The following PPP2R2C variants were observed in gnomAD, a reference collection of about 807,000 sequenced individuals.
PPP2R2C encodes protein phosphatase 2, regulatory subunit B, gamma.
A neutral mutation model predicts 45.3 loss-of-function variants in PPP2R2C; 10 were observed. That is an observed-to-expected ratio of 0.22 (90% CI 0.14 to 0.37). The LOEUF is 0.37. Ranked by LOEUF, PPP2R2C falls within the 10% of genes least tolerant of loss-of-function variation. The pLI is 1.00. For synonymous variants in PPP2R2C, 257 were observed against 245.4 expected (o/e 1.05, Z -0.44); for missense variants, 308 against 619.7 (o/e 0.50, Z 5.34).
At chr4:6,493,834 C>A (rs182536862) in intron 2 of PPP2R2C, among the ~76,000 whole-genome samples, 1 of 152,212 alleles carries the variant, frequency 6.6e-6, no homozygotes, top group South Asian at 2.1e-4. Context: ...ACTCTTTAGT[C>A]GGGAGCCGTA....
rs559944365 is a variant in PPP2R2C at position 6,345,945 on chromosome 4, C to T, written c.790+1901G>A. Reference sequence around the variant, plus strand: ...CGACCCATTTCCTTGGAACCCAATACGGGCCTCAGGCTCGCGGGTCTGAAA... The same window carrying T: ...CGACCCATTTCCTTGGAACCCAATATGGGCCTCAGGCTCGCGGGTCTGAAA... On this transcript the variant is annotated intron_variant, in intron 6 of 8. Coordinates refer to ENST00000382599, the MANE Select transcript of PPP2R2C (RefSeq NM_020416.4). The surrounding 1 kb of genome is among the most constrained non-coding windows in gnomAD (Gnocchi z 5.3). Among the ~76,000 whole-genome samples, 26 of 152,286 alleles carry T rather than the reference C, an allele frequency of 1.7e-4. 1 individual carries two copies. The highest frequency in any genetic ancestry group is 3.4e-3 in the Middle Eastern group (1 of 294).
rs902610078 is a variant in PPP2R2C at position 6,378,763 on chromosome 4, G to A, written c.169-191C>T. Among the ~76,000 whole-genome samples, 13 of 152,070 alleles carry A rather than the reference G, an allele frequency of 8.5e-5. No homozygotes were observed. In the South Asian group the frequency reaches 1.7e-3, roughly 19 times the overall value. ...TTGCAGTGTGCCAGGGACAAGCCCCGCTCCCGTGCGGTCCCATGAAACACT... is the reference window on the plus strand; with the variant it reads ...TTGCAGTGTGCCAGGGACAAGCCCCACTCCCGTGCGGTCCCATGAAACACT... On this transcript the variant is annotated intron_variant, in intron 2 of 8. Coordinates refer to ENST00000382599, the MANE Select transcript of PPP2R2C (RefSeq NM_020416.4). This position sits in a 1 kb window ranked among gnomAD's most constrained non-coding sequence, Gnocchi z 5.2.
intron 1 of PPP2R2C, among the ~76,000 whole-genome samples, chr4:6,399,915 T>C (rs2109347689): frequency 6.6e-6 from 1 of 152,358 alleles, no homozygotes; most frequent in Admixed American, 6.5e-5. Context: ...GATGGGGGTC[T>C]TTGATGGGAG....
intron 1 of PPP2R2C, among the ~76,000 whole-genome samples, chr4:6,412,053 C>A (rs1035741743): frequency 6.6e-6 from 1 of 152,166 alleles, no homozygotes; most frequent in African/African-American, 2.4e-5. Flanking sequence ...TCCATGATGT[C>A]CAGCTCTGGG....
chr4:6,536,619 C>T (rs529844208), intron 1 of PPP2R2C, among the ~76,000 whole-genome samples: 3 of 152,314 alleles, frequency 2.0e-5, no homozygotes, highest in African/African-American at 7.2e-5. Context: ...TGGGGAAAGC[C>T]CCTCCTGTGC....
rs182043688 is a variant in PPP2R2C, at chr4:6,382,270, C to T, written c.71-1176G>A. Reference sequence around the variant, plus strand: ...CCGCTGCTGTGAATGGGACCTCTGTCGTTCTTTGCTCTCCTGGCCTGGATT... The same window carrying T: ...CCGCTGCTGTGAATGGGACCTCTGTTGTTCTTTGCTCTCCTGGCCTGGATT... On this transcript the variant is annotated intron_variant, in intron 1 of 8. Transcript: ENST00000382599. 4.0e-6 allele frequency: 5 copies of T among 1,245,506 alleles called. No individual in the cohort carries two copies. In the Admixed American group the frequency reaches 1.3e-4, roughly 32 times the overall value. 77.2% of individuals were successfully genotyped at this position (1,245,506 alleles called of 1,614,324 possible).
At position 6,323,450 on chromosome 4, in the gene PPP2R2C, C is replaced by T. The variant is rs200809882; in HGVS notation, c.1196G>A (p.Arg399His). Residue 399 changes from arginine to histidine, a missense_variant, in exon 9 of 9, where the codon CGC (arginine) becomes CAC (histidine). Physicochemically the swap from Arg to His is conservative, Grantham distance 29 (BLOSUM62 0). Coordinates refer to ENST00000382599, the MANE Select transcript of PPP2R2C (RefSeq NM_020416.4). ...KPRRVCVGGK[R>H]RRDDISVDSL... Reference sequence around the variant, plus strand: ...GTCCACACTGATGTCATCACGCCGGCGCTTGCCCCCCACGCACACGCGCCG... The same window carrying T: ...GTCCACACTGATGTCATCACGCCGGTGCTTGCCCCCCACGCACACGCGCCG... 16 of 1,613,454 alleles carry T rather than the reference C, an allele frequency of 9.9e-6. No homozygotes were observed. In the Admixed American group the frequency reaches 1.7e-4, roughly 17 times the overall value.
chr4:6,473,677 A>G (rs1328743063), upstream of PPP2R2C, among the ~76,000 whole-genome samples: 1 of 152,118 alleles, frequency 6.6e-6, no homozygotes, highest in Non-Finnish European at 1.5e-5. Flanking sequence ...ACTTGTTTCA[A>G]ATGGTTCTGG....
rs544708771 is a variant in PPP2R2C, at chr4:6,518,270, C to G, written c.49+17001G>C. ...CTAGGAAAAGAAGAGCAAATTAAAT[C>G]CACAGTAAACACAAGAAAATAATAA... On this transcript the variant is annotated intron_variant, in intron 2 of 9. Transcript: ENST00000506140. Among the ~76,000 whole-genome samples the G allele has an allele frequency of 2.0e-5, 3 of 152,116 alleles. No homozygotes were observed. In the East Asian group the frequency reaches 5.8e-4, roughly 29 times the overall value.
chr4:6,362,182 C>G (rs924357870), intron 5 of PPP2R2C, among the ~76,000 whole-genome samples: 1 of 152,060 alleles, frequency 6.6e-6, no homozygotes, highest in Non-Finnish European at 1.5e-5. Flanking sequence ...GGAGCATAGG[C>G]TCTGTCCAAA....
Position 6,449,132 on chromosome 4 carries a change from G to A in PPP2R2C, c.70+23028C>T, listed in dbSNP as rs539799973. Among the ~76,000 whole-genome samples, 5 of 152,290 alleles carry A rather than the reference G, an allele frequency of 3.3e-5. No individual in the cohort carries two copies. In the East Asian group the frequency reaches 7.7e-4, roughly 24 times the overall value. Reference sequence around the variant, plus strand: ...ACACACCCAACCACACCAAGTCCACGTAGAAGGCCCCATCCTCTGACTCTC... The same window carrying A: ...ACACACCCAACCACACCAAGTCCACATAGAAGGCCCCATCCTCTGACTCTC... On this transcript the variant is annotated intron_variant, in intron 1 of 8. Coordinates refer to ENST00000382599, the MANE Select transcript of PPP2R2C (RefSeq NM_020416.4).
intron 1 of PPP2R2C, among the ~76,000 whole-genome samples, chr4:6,537,181 C>T (rs769305858): frequency 5.5e-4 from 83 of 151,464 alleles, no homozygotes; most frequent in Non-Finnish European, 1.1e-3. Context: ...CCAGTCTGGG[C>T]GACAGAGCGA....
At chr4:6,376,077 C>CTCTG in intron 3 of PPP2R2C, 146 bp from the exon 4 acceptor site, 4 of 677,166 alleles carry the variant, frequency 5.9e-6, no homozygotes, top group Non-Finnish European at 1.0e-5. Context: ...AGAACTGCAG[C>CTCTG]TCTGTCTCGA....
At chr4:6,385,742 G>A (rs1205854454) in intron 1 of PPP2R2C, among the ~76,000 whole-genome samples, 1 of 152,034 alleles carries the variant, frequency 6.6e-6, no homozygotes, top group African/African-American at 2.4e-5. Flanking sequence ...GCTAATTTTT[G>A]TATTTTTAGT....
chr4:6,547,804 T>C (rs1725042516), intron 1 of PPP2R2C, among the ~76,000 whole-genome samples: 2 of 152,130 alleles, frequency 1.3e-5, no homozygotes, highest in African/African-American at 4.8e-5. Flanking sequence ...CAGAGAAAAA[T>C]TGGTTCAAAA....
intron 6 of PPP2R2C, among the ~76,000 whole-genome samples, chr4:6,339,990 C>T (rs1368175814): frequency 6.6e-6 from 1 of 152,156 alleles, no homozygotes; most frequent in Non-Finnish European, 1.5e-5. Context: ...GGTGATGCCA[C>T]TGTTTGGGGA....
chr4:6,561,473 G>T (rs1315368613), intron 1 of PPP2R2C, among the ~76,000 whole-genome samples: 1 of 152,106 alleles, frequency 6.6e-6, no homozygotes, highest in East Asian at 1.9e-4. Flanking sequence ...GGAAGGAGGT[G>T]GGGGGAGGGG....
intron 5 of PPP2R2C, among the ~76,000 whole-genome samples, chr4:6,362,565 C>T (rs904097772): frequency 2.6e-5 from 4 of 152,196 alleles, no homozygotes; most frequent in African/African-American, 4.8e-5. Flanking sequence ...CCAAGAAATA[C>T]GGCTGTCTCA....
chr4:6,352,929 A>AAG (rs1284921657), intron 5 of PPP2R2C, among the ~76,000 whole-genome samples: 6 of 152,136 alleles, frequency 3.9e-5, no homozygotes, highest in Admixed American at 3.3e-4. Context: ...GTGACATTCT[A>AAG]AGAGACAGAA....
Sources: allele counts gnomAD v4.1 joint callset (sites outside exome capture counted in the v4.1 genomes callset), GRCh38; gene constraint gnomAD v4.1.1; non-coding constraint Gnocchi (gnomAD v3.1); transcripts MANE v1.5; gene names NCBI Gene and HGNC (gene_info 2026-07-23, HGNC 2026-07-21).